Variants in FIBP observed in about 807,000 individuals in gnomAD.
FIBP encodes the protein acidic fibroblast growth factor intracellular-binding protein.
A neutral mutation model predicts 40.5 loss-of-function variants in FIBP; 29 were observed. The ratio of observed to expected loss-of-function variants is 0.72; its 90% confidence interval spans 0.53 to 0.98. FIBP has a LOEUF of 0.98. Ranked by LOEUF, FIBP falls within the 50% of genes least tolerant of loss-of-function variation. The probability of loss-of-function intolerance (pLI) is 0.00; values close to 1 mark genes in which losing one functional copy is unlikely to be tolerated. For missense variants in FIBP, 411 were observed against 470.2 expected (o/e 0.87, Z 1.16); for synonymous variants, 215 against 191.1 (o/e 1.13, Z -1.03).
intron 5 of FIBP, 84 bp from the exon 6 acceptor site, chr11:65,885,270 T>G: frequency 8.5e-7 from 1 of 1,171,644 alleles, no homozygotes; most frequent in Non-Finnish European, 1.3e-6. Context: ...ACCACCTTAT[T>G]TCCCCCCTGG....
At chr11:65,884,892 G>A (rs200458781) in intron 7 of FIBP, 43 bp downstream of exon 7, 10 of 1,607,800 alleles carry the variant, frequency 6.2e-6, no homozygotes, top group African/African-American at 5.3e-5. Flanking sequence ...GCGAACTGGA[G>A]GCTGAAGATG....
chr11:65,888,067 C>A lies in FIBP; in HGVS notation c.151G>T (p.Val51Leu). 1 of 1,608,440 alleles carries A rather than the reference C, an allele frequency of 6.2e-7. No homozygotes were observed. Among genetic ancestry groups the A allele is most frequent in the Non-Finnish European group, 8.5e-7 (1 of 1,178,508 alleles). The change falls in exon 2 of 10, where the codon GTG becomes TTG. Residue 51 changes from valine to leucine, a missense_variant. Transcript: ENST00000357519. ...TGGTCCATGGTGTCGCTCTGCAGCACCGCTGCCGTGGCGCCAGTCTGCTCC... is the reference window on the plus strand; with the variant it reads ...TGGTCCATGGTGTCGCTCTGCAGCAACGCTGCCGTGGCGCCAGTCTGCTCC... ...ILEQTGATAA[V>L]LQSDTMDHYR...
intron 9 of FIBP, 24 bp downstream of exon 9, chr11:65,884,368 G>A (rs561112301): frequency 2.5e-6 from 4 of 1,606,930 alleles, no homozygotes; most frequent in South Asian, 2.2e-5. Flanking sequence ...AAGCCAAGCT[G>A]GACAGGAGGA....
chr11:65,887,604 C>G lies in FIBP; in HGVS notation c.407G>C (p.Arg136Thr), dbSNP rs1860271460. 6.2e-7 allele frequency: 1 copy of G among 1,614,068 alleles called. No individual in the cohort carries two copies. Among genetic ancestry groups the G allele is most frequent in the Non-Finnish European group, 8.5e-7 (1 of 1,180,008 alleles). The change falls in exon 3 of 10, where the codon AGA (arginine) becomes ACA (threonine). Residue 136 changes from arginine to threonine, a missense_variant. Transcript: ENST00000357519. ...KTGITLKSCRRQFDNFKRVFK... is the reference protein window; with the variant it reads ...KTGITLKSCRTQFDNFKRVFK... ...CCGTGTGGATGCAGTGCATACCTGTCTCCGGCAGCTCTTGAGGGTGATGCC... is the reference window on the plus strand; with the variant it reads ...CCGTGTGGATGCAGTGCATACCTGTGTCCGGCAGCTCTTGAGGGTGATGCC...
rs750513587 is a variant in FIBP at position 65,884,042 on chromosome 11, G to T, written c.1006C>A (p.His336Asn). Residue 336 changes from histidine to asparagine, a missense_variant and splice_region_variant, in exon 10 of 10, where the codon CAC (histidine) becomes AAC (asparagine). His to Asn is a moderately conservative substitution (Grantham distance 68). Transcript: ENST00000357519. Reference sequence around the variant, plus strand: ...ATGTAGCGGTCCCAGAGGGCCTGGTGTCTGTAAGAACATGAACAGTGACAG... The same window carrying T: ...ATGTAGCGGTCCCAGAGGGCCTGGTTTCTGTAAGAACATGAACAGTGACAG... ...ASVHSLDGFRHQALWDRYMGT... is the reference protein window; with the variant it reads ...ASVHSLDGFRNQALWDRYMGT... The T allele has an allele frequency of 1.2e-5, 20 of 1,613,148 alleles. No individual in the cohort carries two copies. The highest frequency in any genetic ancestry group is 1.6e-5 in the Non-Finnish European group (19 of 1,179,562).
At position 65,886,411 on chromosome 11, in the gene FIBP, A is replaced by G. The variant is rs1159431531; in HGVS notation, c.423T>C (p.Phe141=). The change falls in exon 4 of 10, where the codon TTT becomes TTC. Residue 141 remains phenylalanine (F), a synonymous_variant. Coordinates refer to ENST00000357519, the MANE Select transcript of FIBP (RefSeq NM_004214.5). The part of the protein sequence containing the change: ...LKSCRRQFDN[F]KRVFKVVEEM... ...CCTCTACCACCTTGAAGACCCGTTT[A>G]AAGTTGTCAAACTGCAGGGCAGTTA... 3.1e-6 allele frequency: 5 copies of G among 1,613,336 alleles called. No homozygotes were observed. The African/African-American group carries it at 5.3e-5, about 17-fold the overall frequency.
rs573013887 is a variant in FIBP, at chr11:65,885,835, A to G, written c.513-172T>C. On this transcript the variant is annotated intron_variant, in intron 4 of 9. Transcript: ENST00000357519. ...ACCCTTCCCCATCTGTGCGAAGAGAAGGTTCCAGCTCAAGTTTACTAGTGG... is the reference window on the plus strand; with the variant it reads ...ACCCTTCCCCATCTGTGCGAAGAGAGGGTTCCAGCTCAAGTTTACTAGTGG... The G allele has an allele frequency of 2.2e-5, 14 of 648,508 alleles. No individual in the cohort carries two copies. The East Asian group carries it at 3.8e-4, about 17-fold the overall frequency. The allele number at this position is 648,508 out of a possible 1,614,324, so 40.2% of individuals were successfully genotyped here.
At chr11:65,884,864 A>G in intron 7 of FIBP, 71 bp downstream of exon 7, 1 of 1,563,440 alleles carries the variant, frequency 6.4e-7, no homozygotes, top group Non-Finnish European at 8.8e-7. Context: ...GCAGGGGCAG[A>G]GCTGCCCGGT....
chr11:65,887,445 C>CG (rs770170775), intron 3 of FIBP, 155 bp downstream of exon 3: 192 of 682,914 alleles, frequency 2.8e-4, no homozygotes, highest in African/African-American at 2.0e-3. Flanking sequence ...GACTCCATCT[C>CG]GAAAAAAAAA....
Position 65,887,760 on chromosome 11 carries a change from T to C in FIBP, c.285-34A>G, listed in dbSNP as rs780202014. 9 of 1,600,298 alleles carry C rather than the reference T, an allele frequency of 5.6e-6. No homozygotes were observed. The Admixed American group carries it at 1.6e-4, about 28-fold the overall frequency. ...GTCAGAGAACACCATTGACCCTCCA[T>C]AAAAGACAGGAAAGGGAGTCTGGCG... On this transcript the variant is annotated intron_variant, in intron 2 of 9. Coordinates refer to ENST00000357519, the MANE Select transcript of FIBP (RefSeq NM_004214.5).
intron 7 of FIBP, 136 bp from the exon 8 acceptor site, chr11:65,884,792 T>C: frequency 1.5e-6 from 2 of 1,315,280 alleles, no homozygotes; most frequent in Non-Finnish European, 2.2e-6. Flanking sequence ...CCATTGTTTA[T>C]GAGCTGCTCC....
chr11:65,885,450 C>A, intron 5 of FIBP, 80 bp downstream of exon 5: 1 of 1,544,654 alleles, frequency 6.5e-7, no homozygotes, highest in Non-Finnish European at 8.8e-7. Context: ...AACTGAGGGC[C>A]TGTGGGAGAA....
In FIBP at chr11:65,884,412, G is replaced by T; in HGVS notation, c.984C>A (p.Val328=). 6.2e-7 allele frequency: 1 copy of T among 1,614,114 alleles called. No individual in the cohort carries two copies. Among genetic ancestry groups the T allele is most frequent in the South Asian group, 1.1e-5 (1 of 91,072 alleles). ...CTCACCGGAAGCCATCGAGGGAGTG[G>T]ACAGACGCTGAATACTGATTCAGGA... ...RFFLNQYSAS[V]HSLDGFRHQA... Residue 328 remains valine (V), a synonymous_variant, in exon 9 of 10, where the codon GTC becomes GTA. Transcript: ENST00000357519.
In FIBP at chr11:65,883,991, G is replaced by A. The variant is rs1490410094; in HGVS notation, c.1057C>T (p.Arg353Cys). 1.6e-5 allele frequency: 26 copies of A among 1,613,814 alleles called. No individual in the cohort carries two copies. The highest frequency in any genetic ancestry group is 1.7e-5 in the Admixed American group (1 of 59,982). Reference sequence around the variant, plus strand: ...GAGGCACCTCAGTCATGATACAGGCGCAGGAGGCAGCCGCGGAGGGTGCCC... The same window carrying A: ...GAGGCACCTCAGTCATGATACAGGCACAGGAGGCAGCCGCGGAGGGTGCCC... ...YMGTLRGCLL[R>C]LYHD The change falls in exon 10 of 10, where the codon CGC (arginine) becomes TGC (cysteine). Residue 353 changes from arginine to cysteine, a missense_variant. By Grantham distance (180) the Arg-to-Cys change is radical. Transcript: ENST00000357519.
At position 65,883,795 on chromosome 11, in the gene FIBP, A is replaced by T; in HGVS notation, c.*179T>A. 4.1e-6 allele frequency: 3 copies of T among 737,100 alleles called. No homozygotes were observed. The highest frequency in any genetic ancestry group is 6.8e-6 in the Non-Finnish European group (3 of 442,458). 45.7% of individuals were successfully genotyped at this position (737,100 alleles called of 1,614,324 possible). A position where few individuals can be genotyped will look rare whatever the true frequency, so the allele number is the denominator to read the frequency against. ...GGCTGAGCACAGACACCATTCCCTGAGATATGTCTCAGTTCCCAAGGAGCC... is the reference window on the plus strand; with the variant it reads ...GGCTGAGCACAGACACCATTCCCTGTGATATGTCTCAGTTCCCAAGGAGCC... On this transcript the variant is annotated 3_prime_UTR_variant, in exon 10 of 10. Transcript: ENST00000357519.
rs774480347 is a variant in FIBP, at chr11:65,885,587, C to T, written c.589G>A (p.Gly197Ser). The change falls in exon 5 of 10, where the codon GGT becomes AGT. Residue 197 changes from glycine (G) to serine (S), a missense_variant. Coordinates refer to ENST00000357519, the MANE Select transcript of FIBP (RefSeq NM_004214.5). ...GKKKLQYLSF[G>S]DFAFCAELMI... is the part of the protein sequence containing the mutation. ...AGCTCAGCGCAGAAGGCAAAGTCACCGAAGCTCAGATACTGCAGTTTTTTC... is the reference window on the plus strand; with the variant it reads ...AGCTCAGCGCAGAAGGCAAAGTCACTGAAGCTCAGATACTGCAGTTTTTTC... The T allele has an allele frequency of 6.2e-6, 10 of 1,614,056 alleles. No homozygotes were observed. Among genetic ancestry groups the T allele is most frequent in the Admixed American group, 3.3e-5 (2 of 59,998 alleles).
At chr11:65,886,033 G>A (rs867552967) in intron 4 of FIBP, 2 of 457,204 alleles carry the variant, frequency 4.4e-6, no homozygotes, top group South Asian at 2.7e-5. Flanking sequence ...AGCTGGGTGC[G>A]GTGGCTCAAG....
Position 65,885,525 on chromosome 11 carries a change from C to T in FIBP, c.646+5G>A, listed in dbSNP as rs1056462168. 6.2e-7 allele frequency: 1 copy of T among 1,612,864 alleles called. No individual in the cohort carries two copies. The highest frequency in any genetic ancestry group is 8.5e-7 in the Non-Finnish European group (1 of 1,179,176). On this transcript the variant is annotated splice_donor_5th_base_variant and intron_variant, in intron 5 of 9. Coordinates refer to ENST00000357519, the MANE Select transcript of FIBP (RefSeq NM_004214.5). ...TCCAGGCACCTGGGTCAGTGGGGGCCTCACCGACGGCTCCAAGGGTCCAGT... is the reference window on the plus strand; with the variant it reads ...TCCAGGCACCTGGGTCAGTGGGGGCTTCACCGACGGCTCCAAGGGTCCAGT...
At position 65,887,990 on chromosome 11, in the gene FIBP, T is replaced by G; in HGVS notation, c.228A>C (p.Leu76=). The G allele has an allele frequency of 6.2e-7, 1 of 1,613,632 alleles. No individual in the cohort carries two copies. Among genetic ancestry groups the G allele is most frequent in the East Asian group, 2.2e-5 (1 of 44,852 alleles). The part of the protein sequence containing the change: ...LERLLHAPPK[L]LHQLIFQIPP... ...GAATCTGGAAGATGAGCTGGTGCAGTAGCTTGGGCGGCGCATGCAGCAGCC... is the reference window on the plus strand; with the variant it reads ...GAATCTGGAAGATGAGCTGGTGCAGGAGCTTGGGCGGCGCATGCAGCAGCC... Residue 76 remains leucine, a synonymous_variant, in exon 2 of 10, where the codon CTA becomes CTC. Coordinates refer to ENST00000357519, the MANE Select transcript of FIBP (RefSeq NM_004214.5).
Sources: gnomAD v4.1 joint callset for allele counts on GRCh38, gnomAD v4.1.1 for gene constraint, MANE v1.5 for transcripts, NCBI Gene and HGNC (gene_info 2026-07-23, HGNC 2026-07-21) for gene names.